The following ERICH3 variants were observed in gnomAD, a reference collection of about 807,000 sequenced individuals.
ERICH3 encodes glutamate rich 3, also known as glutamate-rich protein 3.
A neutral mutation model predicts 131.1 loss-of-function variants in ERICH3; 126 were observed. That is an observed-to-expected ratio of 0.96 (90% confidence interval 0.83 to 1.11). The LOEUF (loss-of-function observed/expected upper bound fraction) is 1.11. Among genes scored for constraint, ERICH3 ranks in the 50% most tolerant of loss-of-function variants. The pLI is 0.00. For synonymous variants in ERICH3, 695 were observed against 644.6 expected (o/e 1.08, Z -1.18); for missense variants, 2,050 against 1,810.7 (o/e 1.13, Z -2.40).
At chr1:74,643,559 G>C (rs970222381) in intron 3 of ERICH3, among the ~76,000 whole-genome samples, 2 of 152,036 alleles carry the variant, frequency 1.3e-5, no homozygotes, top group African/African-American at 4.8e-5. Flanking sequence ...TTAAAAAATG[G>C]ACAATGCACA....
chr1:74,589,853 C>T lies in ERICH3; in HGVS notation c.1954G>A (p.Ala652Thr), dbSNP rs1250491515. 1.2e-5 allele frequency: 19 copies of T among 1,614,066 alleles called. No individual in the cohort carries two copies. The highest frequency in any genetic ancestry group is 1.5e-5 in the Non-Finnish European group (18 of 1,179,980). Residue 652 changes from alanine (A) to threonine (T), a missense_variant, in exon 12 of 15, where the codon GCA (alanine) becomes ACA (threonine). Ala to Thr is a moderately conservative substitution (Grantham distance 58). Transcript: ENST00000326665. ...IEIEDQEITK[A>T]DVETKPMPID... Reference sequence around the variant, plus strand: ...GGCATCGGCTTGGTCTCCACATCTGCTTTTGTTATTTCTTGGTCTTCAATT... The same window carrying T: ...GGCATCGGCTTGGTCTCCACATCTGTTTTTGTTATTTCTTGGTCTTCAATT...
At chr1:74,605,321 C>T (rs1330800032) in intron 10 of ERICH3, among the ~76,000 whole-genome samples, 1 of 151,866 alleles carries the variant, frequency 6.6e-6, no homozygotes, top group East Asian at 1.9e-4. Context: ...CGCTAAAATA[C>T]TCTATATATC....
chr1:74,641,193 G>C, intron 5 of ERICH3, 138 bp downstream of exon 5: 1 of 973,688 alleles, frequency 1.0e-6, no homozygotes, highest in South Asian at 1.7e-5. Context: ...GAGTTGAACA[G>C]ATATAAGACT....
At chr1:74,608,997 GACAA>G (rs1292995533) in intron 9 of ERICH3, among the ~76,000 whole-genome samples, 5 of 151,654 alleles carry the variant, frequency 3.3e-5, no homozygotes, top group South Asian at 2.1e-4. Flanking sequence ...AAGGGAATTG[GACAA>G]ACAAAGTGAG....
intron 9 of ERICH3, among the ~76,000 whole-genome samples, chr1:74,611,180 C>T (rs1451133828): frequency 6.6e-6 from 1 of 152,130 alleles, no homozygotes; most frequent in African/African-American, 2.4e-5. Flanking sequence ...ACTTGCTTAT[C>T]TCATACATGT....
chr1:74,651,767 G>T (rs933667644), intron 1 of ERICH3, among the ~76,000 whole-genome samples: 3 of 152,086 alleles, frequency 2.0e-5, no homozygotes, highest in Non-Finnish European at 4.4e-5. Flanking sequence ...TGAAGTGGGG[G>T]TCAAAAAGTT....
intron 5 of ERICH3, among the ~76,000 whole-genome samples, chr1:74,636,990 A>C (rs1646395827): frequency 6.6e-6 from 1 of 152,218 alleles, no homozygotes; most frequent in African/African-American, 2.4e-5. Context: ...TACTAGGAAA[A>C]CAAAAATAAA....
At chr1:74,621,577 C>T (rs1251740057) in intron 7 of ERICH3, 1 of 152,098 alleles carries the variant, frequency 6.6e-6, no homozygotes, top group African/African-American at 2.4e-5. Flanking sequence ...TTTATAGTAT[C>T]AAAACAATCT....
intron 5 of ERICH3, 73 bp from the exon 6 acceptor site, chr1:74,636,511 A>G (rs557874624): frequency 9.7e-5 from 137 of 1,413,454 alleles, no homozygotes; most frequent in Admixed American, 4.1e-4. Flanking sequence ...TAATAACCCA[A>G]TAAATTGCCT....
intron 11 of ERICH3, among the ~76,000 whole-genome samples, chr1:74,598,052 A>T (rs1335028647): frequency 6.6e-6 from 1 of 151,714 alleles, no homozygotes; most frequent in African/African-American, 2.4e-5. Flanking sequence ...CTAACTTAGG[A>T]CTTTTTTATT....
Position 74,673,541 on chromosome 1 carries a change from C to T in ERICH3, c.-22G>A. ...TCATTTTTGCAGGATCCCTTTTGGACCCCGCGGCAGGTGCGGAGGGTGGGT... is the reference window on the plus strand; with the variant it reads ...TCATTTTTGCAGGATCCCTTTTGGATCCCGCGGCAGGTGCGGAGGGTGGGT... On this transcript the variant is annotated 5_prime_UTR_variant, in exon 1 of 15. Coordinates refer to ENST00000326665, the MANE Select transcript of ERICH3 (RefSeq NM_001002912.5). 6.2e-7 allele frequency: 1 copy of T among 1,610,738 alleles called. No individual in the cohort carries two copies. The highest frequency in any genetic ancestry group is 8.5e-7 in the Non-Finnish European group (1 of 1,178,806).
chr1:74,612,310 G>T (rs1648734582), intron 9 of ERICH3, among the ~76,000 whole-genome samples: 1 of 152,086 alleles, frequency 6.6e-6, no homozygotes, highest in Admixed American at 6.5e-5. Flanking sequence ...AAAACAACAA[G>T]CAAACAAAAA....
rs1646968184 is a variant in ERICH3 at position 74,572,358 on chromosome 1, G to T, written c.3352C>A (p.Pro1118Thr). ...GCATCAGATCCCATTTCATTTGGGG[G>T]AGCTTTTGTCTCTTCCTCAGCTCTT... Reference protein sequence around the residue: ...EVRAEEETKAPPNEMGSDAEN... With the variant: ...EVRAEEETKATPNEMGSDAEN... The change falls in exon 14 of 15, where the codon CCC becomes ACC. Residue 1118 changes from proline (P) to threonine (T), a missense_variant. Pro to Thr is a conservative substitution (Grantham distance 38). Transcript: ENST00000326665. 1 of 1,613,594 alleles carries T rather than the reference G, an allele frequency of 6.2e-7. No homozygotes were observed. The highest frequency in any genetic ancestry group is 2.2e-5 in the East Asian group (1 of 44,870).
At position 74,571,221 on chromosome 1, in the gene ERICH3, G is replaced by T; in HGVS notation, c.4489C>A (p.Leu1497Ile). The T allele has an allele frequency of 6.2e-7, 1 of 1,614,104 alleles. No homozygotes were observed. The highest frequency in any genetic ancestry group is 8.5e-7 in the Non-Finnish European group (1 of 1,180,008). ...SPESLQAMAT[L>I]PVKPDFTETR... is the part of the protein sequence containing the mutation. ...TCAGTGAAATCAGGCTTCACTGGAA[G>T]TGTTGCCATCGCCTGTAGACTCTCC... Residue 1497 changes from leucine (L) to isoleucine (I), a missense_variant, in exon 14 of 15, where the codon CTT becomes ATT. By Grantham distance (5) the Leu-to-Ile change is conservative. Coordinates refer to ENST00000326665, the MANE Select transcript of ERICH3 (RefSeq NM_001002912.5).
At chr1:74,618,949 C>A (rs1275359293) in intron 8 of ERICH3, among the ~76,000 whole-genome samples, 3 of 152,162 alleles carry the variant, frequency 2.0e-5, no homozygotes, top group African/African-American at 7.2e-5. Flanking sequence ...GTAGAAAGGG[C>A]AGATTCTTTT....
chr1:74,661,157 A>G (rs946384685), intron 1 of ERICH3, among the ~76,000 whole-genome samples: 3 of 152,146 alleles, frequency 2.0e-5, no homozygotes, highest in Non-Finnish European at 4.4e-5. Flanking sequence ...GAGCAGTAGT[A>G]AGATTTAAAA....
rs779925294 is a variant in ERICH3, at chr1:74,641,461, T to C, written c.316-2A>G. Reference sequence around the variant, plus strand: ...AACAGACCTTCTTGTGTGCTCTCCCTAGAATAAGAAAGCAATTTAGCAAAT... The same window carrying C: ...AACAGACCTTCTTGTGTGCTCTCCCCAGAATAAGAAAGCAATTTAGCAAAT... On this transcript the variant is annotated splice_acceptor_variant, in intron 4 of 14. Transcript: ENST00000326665. LOFTEE classifies it high-confidence loss of function. 6.2e-7 allele frequency: 1 copy of C among 1,609,902 alleles called. No individual in the cohort carries two copies. The highest frequency in any genetic ancestry group is 2.2e-5 in the East Asian group (1 of 44,714).
intron 7 of ERICH3, among the ~76,000 whole-genome samples, chr1:74,631,218 A>C (rs76365979): frequency 6.6e-6 from 1 of 151,992 alleles, no homozygotes; most frequent in Non-Finnish European, 1.5e-5. Context: ...AGGCCTTAAA[A>C]TTGTTTCTTC....
intron 1 of ERICH3, among the ~76,000 whole-genome samples, chr1:74,658,883 C>T (rs78716434): frequency 0.016 from 2,411 of 152,216 alleles, 83 homozygotes; most frequent in African/African-American, 0.055. Context: ...ATAATTGTGC[C>T]TTATATCACA....
Sources: gnomAD v4.1 joint callset for allele counts (sites outside exome capture counted in the v4.1 genomes callset) on GRCh38, gnomAD v4.1.1 for gene constraint, MANE v1.5 for transcripts, NCBI Gene and HGNC (gene_info 2026-07-23, HGNC 2026-07-21) for gene names.